Variants in EPM2A observed in about 807,000 individuals in gnomAD.
EPM2A encodes the protein EPM2A glucan phosphatase, laforin.
Under a neutral mutation model 26.5 loss-of-function variants are expected in EPM2A, and 21 were observed. That is an observed-to-expected ratio of 0.79 (90% CI 0.56 to 1.14). The LOEUF is 1.14. EPM2A is among the 50% of genes most tolerant of loss of function. The pLI is 0.00. For missense variants in EPM2A, 458 were observed against 440.8 expected (o/e 1.04, Z -0.35); for synonymous variants, 217 against 177.6 (o/e 1.22, Z -1.76).
chr6:145,554,762 T>C (rs61638226), intron 2 of EPM2A, among the ~76,000 whole-genome samples: 14,881 of 152,020 alleles, frequency 0.098, 1,625 homozygotes, highest in African/African-American at 0.27. Context: ...CTAATTACCT[T>C]CCTAAGGCAT....
rs1326700627 is a variant in EPM2A at position 145,735,477 on chromosome 6, C to T, written c.22G>A (p.Val8Met). MRFRFGVVVPPAVAGARP... is the reference protein window; with the variant it reads MRFRFGVMVPPAVAGARP... ...GCGCCGGCCACGGCGGGTGGCACCA[C>T]CACCCCAAAGCGGAAGCGCATGGCG... The change falls in exon 1 of 4, where the codon GTG becomes ATG. Residue 8 changes from valine (V) to methionine (M), a missense_variant. Coordinates refer to ENST00000367519, the MANE Select transcript of EPM2A (RefSeq NM_005670.4). 3 of 1,212,318 alleles carry T rather than the reference C, an allele frequency of 2.5e-6. No homozygotes were observed. The highest frequency in any genetic ancestry group is 3.1e-6 in the Non-Finnish European group (3 of 975,832). The allele number at this position is 1,212,318 out of a possible 1,614,324, so 75.1% of individuals were successfully genotyped here. A position where few individuals can be genotyped will look rare whatever the true frequency, so the allele number is the denominator to read the frequency against.
At chr6:145,675,084 C>A (rs142128569) in intron 2 of EPM2A, among the ~76,000 whole-genome samples, 1,757 of 152,322 alleles carry the variant, frequency 0.012, 19 homozygotes, top group Non-Finnish European at 0.019. Context: ...AACAGCAGAT[C>A]TCTCTGCAGA....
intron 2 of EPM2A, among the ~76,000 whole-genome samples, chr6:145,598,178 A>G (rs1188900778): frequency 1.3e-5 from 2 of 152,164 alleles, no homozygotes; most frequent in African/African-American, 4.8e-5. Flanking sequence ...GAACTAATCT[A>G]TACTCCCACT....
intron 2 of EPM2A, among the ~76,000 whole-genome samples, chr6:145,678,981 C>T (rs1304424229): frequency 2.0e-5 from 3 of 152,076 alleles, no homozygotes; most frequent in Non-Finnish European, 4.4e-5. Context: ...TTCACAGTAG[C>T]AAAGACTTGG....
intron 2 of EPM2A, among the ~76,000 whole-genome samples, chr6:145,557,508 C>T (rs187349411): frequency 1.3e-5 from 2 of 152,164 alleles, no homozygotes; most frequent in East Asian, 3.9e-4. Context: ...ATGTTACCTT[C>T]TGTTTTACCA....
At chr6:145,558,182 A>G (rs564671031) in intron 2 of EPM2A, among the ~76,000 whole-genome samples, 14 of 152,218 alleles carry the variant, frequency 9.2e-5, no homozygotes, top group Non-Finnish European at 1.9e-4. Context: ...AGAAGCTTAG[A>G]TTGAGTTCAT....
chr6:145,514,339 C>T (rs117548279), intron 2 of EPM2A, among the ~76,000 whole-genome samples: 70 of 152,054 alleles, frequency 4.6e-4, no homozygotes, highest in Admixed American at 8.5e-4. Context: ...GAGTCAAAGC[C>T]AAGGAGAGAC....
At chr6:145,728,240 AT>A (rs891733745) in intron 1 of EPM2A, among the ~76,000 whole-genome samples, 21 of 152,228 alleles carry the variant, frequency 1.4e-4, no homozygotes, top group African/African-American at 5.1e-4. Flanking sequence ...GAAGAGGTGC[AT>A]TACTATAAAG....
At chr6:145,547,632 C>G (rs1452989539) in intron 2 of EPM2A, among the ~76,000 whole-genome samples, 1 of 152,130 alleles carries the variant, frequency 6.6e-6, no homozygotes. Context: ...TTATGTTACA[C>G]ATTTTTACTG....
chr6:145,459,236 G>C (rs1779298849), intron 4 of EPM2A, among the ~76,000 whole-genome samples: 2 of 152,174 alleles, frequency 1.3e-5, no homozygotes, highest in Non-Finnish European at 2.9e-5. Context: ...TCAAGTATAG[G>C]GAGATTCTTG....
chr6:145,385,074 A>G (rs891057823), intron 4 of EPM2A, among the ~76,000 whole-genome samples: 1 of 148,168 alleles, frequency 6.7e-6, no homozygotes, highest in Non-Finnish European at 1.5e-5. Flanking sequence ...TAGAATAAAT[A>G]AAAGTACATT....
chr6:145,712,115 A>G (rs1047184000), intron 1 of EPM2A, among the ~76,000 whole-genome samples: 1 of 152,176 alleles, frequency 6.6e-6, no homozygotes, highest in African/African-American at 2.4e-5. Context: ...AAGCATCAAA[A>G]GTTTATGAAG....
At position 145,574,044 on chromosome 6, in the gene EPM2A, A is replaced by G. The variant is rs866668762; in HGVS notation, c.340+61201T>C. Among the ~76,000 whole-genome samples the G allele has an allele frequency of 4.6e-5, 7 of 152,090 alleles. No homozygotes were observed. In the South Asian group the frequency reaches 1.0e-3, roughly 23 times the overall value. On this transcript the variant is annotated intron_variant, in intron 2 of 3. Coordinates refer to the EPM2A transcript ENST00000450221. ...CTCCTTGGGGAAGTACGGGAGAAAGACTCACTGCATAAATTGTTGGTAATG... is the reference window on the plus strand; with the variant it reads ...CTCCTTGGGGAAGTACGGGAGAAAGGCTCACTGCATAAATTGTTGGTAATG...
At chr6:145,426,152 T>C (rs1267645351) in intron 4 of EPM2A, among the ~76,000 whole-genome samples, 12 of 152,314 alleles carry the variant, frequency 7.9e-5, no homozygotes, top group Non-Finnish European at 1.5e-5. Context: ...ATCTTCACTC[T>C]CAGAAAAGAA....
downstream of EPM2A, among the ~76,000 whole-genome samples, chr6:145,624,362 T>G (rs1775702112): frequency 6.6e-6 from 1 of 152,206 alleles, no homozygotes; most frequent in Non-Finnish European, 1.5e-5. Context: ...GACACTGGTC[T>G]TTGCTTTTTC....
intron 4 of EPM2A, among the ~76,000 whole-genome samples, chr6:145,403,997 G>C (rs1031820283): frequency 2.6e-5 from 4 of 152,098 alleles, no homozygotes; most frequent in African/African-American, 9.7e-5. Flanking sequence ...GTTTTGATTT[G>C]CATTTCTCTG....
chr6:145,384,821 G>A (rs9390313), intron 4 of EPM2A, among the ~76,000 whole-genome samples: 1 of 147,756 alleles, frequency 6.8e-6, no homozygotes, highest in African/African-American at 2.5e-5. Context: ...CACTTTCTCT[G>A]TATTTCATAG....
downstream of EPM2A, among the ~76,000 whole-genome samples, chr6:145,621,671 A>G (rs1159904191): frequency 6.6e-6 from 1 of 151,894 alleles, no homozygotes; most frequent in African/African-American, 2.4e-5. Flanking sequence ...TGTGGTTTTA[A>G]ACAGTATTTC....
At chr6:145,423,803 C>T (rs1778819867) in intron 4 of EPM2A, among the ~76,000 whole-genome samples, 1 of 152,194 alleles carries the variant, frequency 6.6e-6, no homozygotes, top group South Asian at 2.1e-4. Flanking sequence ...CATGTTCCCC[C>T]AGTCTCCCAA....
Sources: allele counts gnomAD v4.1 joint callset (sites outside exome capture counted in the v4.1 genomes callset), GRCh38; gene constraint gnomAD v4.1.1; transcripts MANE v1.5; gene names NCBI Gene and HGNC (gene_info 2026-07-23, HGNC 2026-07-21).